Variants in CFAP70 observed in about 807,000 individuals in gnomAD.
CFAP70 encodes the protein cilia- and flagella-associated protein 70.
A neutral mutation model predicts 137.6 loss-of-function variants in CFAP70; 81 were observed. That is an observed-to-expected ratio of 0.59 (90% CI 0.49 to 0.71). The LOEUF is 0.71. Among genes scored for constraint, CFAP70 ranks in the 30% least tolerant of loss-of-function variants. CFAP70 has a pLI of 0.00. For missense variants in CFAP70, 976 were observed against 1,226.7 expected, an observed-to-expected ratio of 0.80 and a Z score of 3.05; for synonymous variants, 382 against 423.6, an observed-to-expected ratio of 0.90 and a Z score of 1.20.
At chr10:73,352,093 C>G (rs1440907081) in intron 3 of CFAP70, among the ~76,000 whole-genome samples, 2 of 152,232 alleles carry the variant, frequency 1.3e-5, no homozygotes, top group East Asian at 1.9e-4. Flanking sequence ...TGACTCTAAA[C>G]TAGGCCTCCT....
chr10:73,292,346 T>TAATC (rs2048240408), intron 16 of CFAP70, among the ~76,000 whole-genome samples: 1 of 152,244 alleles, frequency 6.6e-6, no homozygotes, highest in African/African-American at 2.4e-5. Context: ...ATTTCTGCAG[T>TAATC]AATCTTCAGA....
chr10:73,319,380 C>T (rs998467085), intron 9 of CFAP70, among the ~76,000 whole-genome samples: 7 of 152,132 alleles, frequency 4.6e-5, no homozygotes, highest in African/African-American at 1.4e-4. Flanking sequence ...CATTTTTCTA[C>T]GACCCCAAAT....
At chr10:73,357,478 T>C in intron 1 of CFAP70, among the ~76,000 whole-genome samples, 1 of 152,310 alleles carries the variant, frequency 6.6e-6, no homozygotes, top group East Asian at 1.9e-4. Flanking sequence ...AGCAAGTAGC[T>C]TGCAGTGGTG....
At chr10:73,268,693 C>T (rs369312554) in intron 25 of CFAP70, among the ~76,000 whole-genome samples, 1 of 113,990 alleles carries the variant, frequency 8.8e-6, no homozygotes, top group Non-Finnish European at 1.7e-5. Flanking sequence ...TGTTTTTCTT[C>T]TTTTTTTTCT....
intron 19 of CFAP70, among the ~76,000 whole-genome samples, chr10:73,279,963 G>A (rs1358187117): frequency 6.6e-6 from 1 of 151,956 alleles, no homozygotes; most frequent in Non-Finnish European, 1.5e-5. Flanking sequence ...GTTTTCTCAA[G>A]TGGTTACACC....
intron 23 of CFAP70, among the ~76,000 whole-genome samples, 155 bp downstream of exon 24, chr10:73,274,278 T>C (rs964099409): frequency 1.3e-5 from 2 of 152,252 alleles, no homozygotes; most frequent in Admixed American, 6.5e-5. Flanking sequence ...CTTCCACTAA[T>C]TACTGGTTGT....
chr10:73,354,766 C>T (rs1479109647), exon 2 of CFAP70: 8 of 1,613,914 alleles, frequency 5.0e-6, no homozygotes, highest in African/African-American at 1.3e-5. Flanking sequence ...GTGATCTGCA[C>T]GAGTCTGCCT....
chr10:73,274,738 G>C, intron 22 of CFAP70, 144 bp from the exon 24 acceptor site: 1 of 777,924 alleles, frequency 1.3e-6, no homozygotes, highest in East Asian at 2.8e-5. Flanking sequence ...CTTTTTCTAA[G>C]AGCACTCAGA....
intron 19 of CFAP70, among the ~76,000 whole-genome samples, chr10:73,289,001 G>A (rs11000584): frequency 0.11 from 16,077 of 152,136 alleles, 1,227 homozygotes; most frequent in East Asian, 0.31. Flanking sequence ...GACATAAGGT[G>A]TCACCTTACA....
At chr10:73,341,690 C>A (rs1434523729) in intron 5 of CFAP70, 109 bp from the exon 7 acceptor site, 1 of 915,154 alleles carries the variant, frequency 1.1e-6, no homozygotes, top group Non-Finnish European at 1.7e-6. Context: ...ATCAAACATA[C>A]CCCTCTACGA....
chr10:73,317,027 T>C (rs2050447479), intron 9 of CFAP70, among the ~76,000 whole-genome samples: 1 of 152,172 alleles, frequency 6.6e-6, no homozygotes. Context: ...ACCTTTGTTG[T>C]TTTTGTTTCT....
At chr10:73,321,243 C>T (rs904392811) in intron 9 of CFAP70, among the ~76,000 whole-genome samples, 3 of 151,944 alleles carry the variant, frequency 2.0e-5, no homozygotes, top group Non-Finnish European at 2.9e-5. Context: ...ATGGTGAAAC[C>T]TAGTTTCTAC....
At chr10:73,256,315 A>G in intron 26 of CFAP70, 54 bp downstream of exon 27, 1 of 1,601,764 alleles carries the variant, frequency 6.2e-7, no homozygotes, top group Non-Finnish European at 8.5e-7. Flanking sequence ...CCTCCCTCCT[A>G]ATTTCCCACC....
chr10:73,359,639 G>A (rs2054928434), upstream of CFAP70, among the ~76,000 whole-genome samples: 1 of 152,126 alleles, frequency 6.6e-6, no homozygotes, highest in African/African-American at 2.4e-5. Context: ...CGAGAAGGAT[G>A]GAAATAGAGA....
chr10:73,348,882 G>A (rs2053950603), intron 3 of CFAP70, among the ~76,000 whole-genome samples: 2 of 151,906 alleles, frequency 1.3e-5, no homozygotes, highest in Admixed American at 6.6e-5. Context: ...GACAAACACG[G>A]AGAAAACCTG....
chr10:73,290,320 T>G (rs935628334), intron 19 of CFAP70, among the ~76,000 whole-genome samples: 1 of 152,172 alleles, frequency 6.6e-6, no homozygotes, highest in Non-Finnish European at 1.5e-5. Flanking sequence ...TCCAGGTGTT[T>G]TCTAGAATTC....
intron 5 of CFAP70, among the ~76,000 whole-genome samples, chr10:73,342,599 A>G (rs182472057): frequency 3.2e-4 from 49 of 152,274 alleles, no homozygotes; most frequent in Non-Finnish European, 6.5e-4. Flanking sequence ...CAGGAACAAG[A>G]AGTTTACTGG....
chr10:73,272,797 CA>C, intron 24 of CFAP70, 130 bp downstream of exon 25: 1 of 809,508 alleles, frequency 1.2e-6, no homozygotes, highest in Non-Finnish European at 2.1e-6. Context: ...CTTTGAAGAA[CA>C]ACTTTTCATT....
intron 25 of CFAP70, among the ~76,000 whole-genome samples, chr10:73,267,656 C>T (rs1356006258): frequency 1.3e-5 from 2 of 151,936 alleles, no homozygotes; most frequent in Non-Finnish European, 2.9e-5. Context: ...TGTATAACAC[C>T]CATTTATCAT....
Sources: allele counts gnomAD v4.1 joint callset (sites outside exome capture counted in the v4.1 genomes callset), GRCh38; gene constraint gnomAD v4.1.1; transcripts MANE v1.5; gene names NCBI Gene and HGNC (gene_info 2026-07-23, HGNC 2026-07-21).